INPP4B: variants seen among roughly 807,000 people sequenced by gnomAD.
INPP4B encodes inositol polyphosphate-4-phosphatase type II B.
A neutral mutation model predicts 122.5 loss-of-function variants in INPP4B; 55 were observed. The ratio of observed to expected loss-of-function variants is 0.45; its 90% CI spans 0.36 to 0.56. The LOEUF (loss-of-function observed/expected upper bound fraction) is 0.56, where lower values mean the gene tolerates loss of function less well. Ranked by LOEUF, INPP4B falls within the 20% of genes least tolerant of loss-of-function variation. The probability of loss-of-function intolerance (pLI) is 0.00; values close to 1 mark genes in which losing one functional copy is unlikely to be tolerated. For synonymous variants in INPP4B, 403 were observed against 388.7 expected (o/e 1.04, Z -0.43); for missense variants, 1,000 against 1,097.7 (o/e 0.91, Z 1.26).
chr4:142,601,990 A>T (rs1740097814), intron 2 of INPP4B, among the ~76,000 whole-genome samples: 3 of 130,120 alleles, frequency 2.3e-5, no homozygotes, highest in African/African-American at 5.8e-5. Flanking sequence ...AAAAAAAAAA[A>T]ATTAACAAAA....
chr4:142,719,373 G>A (rs1440296344), intron 2 of INPP4B, among the ~76,000 whole-genome samples: 7 of 151,402 alleles, frequency 4.6e-5, no homozygotes, highest in Non-Finnish European at 8.8e-5. Flanking sequence ...ACCCAGGCTG[G>A]AGTGTAGTGG....
At chr4:142,303,608 T>C (rs1227410187) in intron 9 of INPP4B, among the ~76,000 whole-genome samples, 9 of 152,070 alleles carry the variant, frequency 5.9e-5, no homozygotes, top group Non-Finnish European at 2.9e-5. Flanking sequence ...GATAAATCTA[T>C]AATCTGTCTG....
chr4:142,118,927 G>T (rs1795172475), intron 21 of INPP4B, among the ~76,000 whole-genome samples: 1 of 151,862 alleles, frequency 6.6e-6, no homozygotes, highest in Non-Finnish European at 1.5e-5. Context: ...GAATCTACAA[G>T]AACTTAAACA....
At chr4:142,558,826 A>G (rs1553959004) in intron 2 of INPP4B, among the ~76,000 whole-genome samples, 4 of 141,472 alleles carry the variant, frequency 2.8e-5, no homozygotes. Flanking sequence ...AAAAAAAAGA[A>G]GCTCAATTTT....
intron 24 of INPP4B, among the ~76,000 whole-genome samples, chr4:142,083,865 T>C (rs1318683618): frequency 2.0e-5 from 3 of 152,076 alleles, no homozygotes; most frequent in Admixed American, 6.6e-5. Flanking sequence ...TTATGAGATA[T>C]GATTTTCAAA....
chr4:142,611,160 C>A (rs1742410928), intron 2 of INPP4B, among the ~76,000 whole-genome samples: 2 of 152,032 alleles, frequency 1.3e-5, no homozygotes, highest in Non-Finnish European at 2.9e-5. Context: ...GGAGGAGGAG[C>A]AAGAGAGAAA....
chr4:142,611,520 A>C (rs1259503810), intron 2 of INPP4B, among the ~76,000 whole-genome samples: 2 of 152,102 alleles, frequency 1.3e-5, no homozygotes, highest in African/African-American at 4.8e-5. Context: ...CCTAACATTA[A>C]AATACATATA....
intron 7 of INPP4B, among the ~76,000 whole-genome samples, chr4:142,370,561 CA>C (rs906623830): frequency 6.6e-6 from 1 of 151,182 alleles, no homozygotes; most frequent in South Asian, 2.1e-4. Flanking sequence ...AAGACTCTAC[CA>C]AAAAAAATCT....
At chr4:142,432,512 C>T (rs2149381587) in intron 3 of INPP4B, among the ~76,000 whole-genome samples, 1 of 152,142 alleles carries the variant, frequency 6.6e-6, no homozygotes. Context: ...GCTATTGCAC[C>T]ATCAATTAGA....
In INPP4B at chr4:142,294,829, C is replaced by CAAAAAAAAAAAAAAAAAAAAAAAAAAA. The variant is rs57430432; in HGVS notation, c.503+10602_503+10628dup. Among the ~76,000 whole-genome samples the CAAAAAAAAAAAAAAAAAAAAAAAAAAA allele has an allele frequency of 6.0e-4, 17 of 28,476 alleles. 4 individuals are homozygous for CAAAAAAAAAAAAAAAAAAAAAAAAAAA. The highest frequency in any genetic ancestry group is 7.6e-4 in the Non-Finnish European group (12 of 15,742). 18.7% of individuals were successfully genotyped at this position (28,476 alleles called of 152,430 possible). On this transcript the variant is annotated intron_variant, in intron 9 of 25. Coordinates refer to ENST00000262992, the MANE Select transcript of INPP4B (RefSeq NM_001101669.3). ...CGGGCGACAGAGCGAGACTCCGTCTCAAAAAAAAAAAAAAAAAAAAAAAAA... is the reference window on the plus strand; with the variant it reads ...CGGGCGACAGAGCGAGACTCCGTCTCAAAAAAAAAAAAAAAAAAAAAAAAAAAAAAAAAAAAAAAAAAAAAAAAAAAA...
At chr4:142,262,001 A>T in intron 10 of INPP4B, among the ~76,000 whole-genome samples, 1 of 152,184 alleles carries the variant, frequency 6.6e-6, no homozygotes, top group East Asian at 1.9e-4. Context: ...TCAGAGGTGC[A>T]CTTCCTCTAA....
At chr4:142,364,857 A>G (rs1341829170) in intron 7 of INPP4B, among the ~76,000 whole-genome samples, 1 of 152,084 alleles carries the variant, frequency 6.6e-6, no homozygotes, top group African/African-American at 2.4e-5. Context: ...AGCAGCAATC[A>G]ACAAAGAAAA....
At chr4:142,700,141 C>G (rs1379435678) in intron 2 of INPP4B, among the ~76,000 whole-genome samples, 1 of 152,006 alleles carries the variant, frequency 6.6e-6, no homozygotes, top group Admixed American at 6.6e-5. Flanking sequence ...CCATTCCAAT[C>G]AAGCTTTGGG....
intron 2 of INPP4B, among the ~76,000 whole-genome samples, chr4:142,471,121 G>A (rs74367979): frequency 2.5e-4 from 38 of 152,148 alleles, no homozygotes; most frequent in Admixed American, 9.8e-4. Flanking sequence ...CTTTATCTCC[G>A]TGAAGAAGTT....
intron 7 of INPP4B, among the ~76,000 whole-genome samples, chr4:142,394,209 A>G (rs1798625094): frequency 6.6e-6 from 1 of 152,150 alleles, no homozygotes; most frequent in Admixed American, 6.5e-5. Context: ...GCTGGGGCAC[A>G]ATCTCAGTTC....
chr4:142,434,266 T>C (rs1245363359), intron 3 of INPP4B, among the ~76,000 whole-genome samples: 1 of 152,042 alleles, frequency 6.6e-6, no homozygotes, highest in African/African-American at 2.4e-5. Context: ...ATCCATGAAG[T>C]TGGAATCAGA....
At chr4:142,055,355 G>A (rs1460058586) in intron 25 of INPP4B, among the ~76,000 whole-genome samples, 1 of 152,092 alleles carries the variant, frequency 6.6e-6, no homozygotes, top group African/African-American at 2.4e-5. Context: ...ACATGAATCT[G>A]AGGTACAGAT....
chr4:142,389,304 C>T (rs1796953504), intron 7 of INPP4B, among the ~76,000 whole-genome samples: 1 of 149,422 alleles, frequency 6.7e-6, no homozygotes, highest in African/African-American at 2.5e-5. Flanking sequence ...AATCTTACAA[C>T]TACTGGATCT....
At chr4:142,621,613 CTG>C (rs1190191246) in intron 2 of INPP4B, among the ~76,000 whole-genome samples, 1 of 152,052 alleles carries the variant, frequency 6.6e-6, no homozygotes, top group East Asian at 1.9e-4. Context: ...TCTTCTCACT[CTG>C]AGAGATTTGA....
Sources: allele counts gnomAD v4.1 joint callset (sites outside exome capture counted in the v4.1 genomes callset), GRCh38; gene constraint gnomAD v4.1.1; transcripts MANE v1.5; gene names NCBI Gene and HGNC (gene_info 2026-07-23, HGNC 2026-07-21).